Variants in PARD3B observed in about 807,000 individuals in gnomAD.
PARD3B encodes partitioning defective 3 homolog B.
Under a neutral mutation model 130.2 loss-of-function variants are expected in PARD3B, and 103 were observed. The observed-to-expected ratio is 0.79, with a 90% confidence interval of 0.67 to 0.93. PARD3B has a LOEUF of 0.93. PARD3B is among the 40% of genes least tolerant of loss of function. PARD3B has a pLI of 0.00. For missense variants in PARD3B, 1,609 were observed against 1,499.2 expected (o/e 1.07, Z -1.21); for synonymous variants, 583 against 553.2 (o/e 1.05, Z -0.76).
At chr2:205,073,487 C>A (rs922967095) in intron 4 of PARD3B, among the ~76,000 whole-genome samples, 4 of 152,028 alleles carry the variant, frequency 2.6e-5, no homozygotes, top group African/African-American at 7.2e-5. Context: ...GAAAAAAAGT[C>A]CAAATGTATA....
intron 15 of PARD3B, among the ~76,000 whole-genome samples, chr2:205,197,032 G>GGGGTGT (rs1553636919): frequency 1.3e-3 from 72 of 55,154 alleles, no homozygotes; most frequent in Admixed American, 1.7e-3. Flanking sequence ...GTGGGGGGGG[G>GGGGTGT]GTGTGTGTGT....
rs141415275 is a variant in PARD3B at position 205,059,316 on chromosome 2, C to T, written c.504+11626C>T. 2.4e-4 allele frequency among the ~76,000 whole-genome samples: 36 copies of T among 152,148 alleles called. No individual in the cohort carries two copies. The East Asian group carries it at 6.6e-3, about 28-fold the overall frequency. ...TCACAACCTATATGCTTAGCTTTAT[C>T]TCTAGTCACACTGCATGAAGGACCC... On this transcript the variant is annotated intron_variant, in intron 4 of 22. Coordinates refer to ENST00000406610, the MANE Select transcript of PARD3B (RefSeq NM_001302769.2).
intron 1 of PARD3B, among the ~76,000 whole-genome samples, chr2:204,561,823 C>T (rs1458783579): frequency 6.6e-6 from 1 of 152,030 alleles, no homozygotes; most frequent in Non-Finnish European, 1.5e-5. Context: ...TCTTGAACTC[C>T]TGACCTCAGG....
At chr2:204,896,512 T>C (rs1413543058) in intron 2 of PARD3B, among the ~76,000 whole-genome samples, 2 of 152,014 alleles carry the variant, frequency 1.3e-5, no homozygotes, top group Admixed American at 6.6e-5. Context: ...GAAATGGAGG[T>C]AACGTTTTGA....
intron 1 of PARD3B, among the ~76,000 whole-genome samples, chr2:204,572,381 G>A (rs558945856): frequency 6.6e-6 from 1 of 152,098 alleles, no homozygotes; most frequent in Non-Finnish European, 1.5e-5. Flanking sequence ...GCAGAAAAGT[G>A]GGGGAGGAAA....
At chr2:205,497,650 C>T (rs952684463) in intron 20 of PARD3B, among the ~76,000 whole-genome samples, 4 of 151,892 alleles carry the variant, frequency 2.6e-5, no homozygotes, top group African/African-American at 4.8e-5. Flanking sequence ...TCTCTTTGAT[C>T]CTCCTATATT....
chr2:205,436,416 A>G (rs2047518507), intron 19 of PARD3B, among the ~76,000 whole-genome samples: 1 of 151,952 alleles, frequency 6.6e-6, no homozygotes, highest in Non-Finnish European at 1.5e-5. Flanking sequence ...TTTTTCTTTT[A>G]TTTGTGTTAG....
intron 20 of PARD3B, among the ~76,000 whole-genome samples, chr2:205,444,738 G>A (rs2047845585): frequency 1.3e-5 from 2 of 152,180 alleles, no homozygotes; most frequent in South Asian, 4.1e-4. Context: ...CTTGAAATAA[G>A]AGAGTGGCAT....
rs200930899 is a variant in PARD3B at position 204,943,177 on chromosome 2, CAT to C, written c.223-21964_223-21963del. ...GTATGTGTGTGTGTGTATGTGTATG[CAT>C]ATATATATATGTGTGTGTATATATA... On this transcript the variant is annotated intron_variant, in intron 2 of 22. Transcript: ENST00000406610. This position sits in a 1 kb window ranked among gnomAD's most constrained non-coding sequence, Gnocchi z 4.2. Among the ~76,000 whole-genome samples, 34 of 151,280 alleles carry C rather than the reference CAT, an allele frequency of 2.2e-4. No homozygotes were observed. The highest frequency in any genetic ancestry group is 4.6e-4 in the Admixed American group (7 of 15,150).
intron 3 of PARD3B, among the ~76,000 whole-genome samples, chr2:205,018,721 G>GAAAAAAAA (rs1296390206): frequency 3.1e-4 from 1 of 3,234 alleles, no homozygotes; most frequent in Non-Finnish European, 5.3e-4. Flanking sequence ...AGCAGTATAA[G>GAAAAAAAA]CAAAAAAAAA....
intron 2 of PARD3B, among the ~76,000 whole-genome samples, chr2:204,755,108 A>G (rs915442774): frequency 2.0e-5 from 3 of 152,138 alleles, no homozygotes; most frequent in African/African-American, 4.8e-5. Context: ...CATGGCAAAA[A>G]TAGAATTAAA....
intron 22 of PARD3B, among the ~76,000 whole-genome samples, chr2:205,602,422 A>G (rs2054823535): frequency 6.6e-6 from 1 of 152,214 alleles, no homozygotes; most frequent in East Asian, 1.9e-4. Flanking sequence ...CCTTCTTTTC[A>G]ATTGTTTGAA....
Position 205,300,587 on chromosome 2 carries a change from A to G in PARD3B, c.2243A>G (p.Glu748Gly). Residue 748 changes from glutamate to glycine, a missense_variant, in exon 17 of 23, where the codon GAG becomes GGG. By Grantham distance (98) the Glu-to-Gly change is moderately conservative. Coordinates refer to ENST00000406610, the MANE Select transcript of PARD3B (RefSeq NM_001302769.2). The surrounding 1 kb of genome is among the most constrained non-coding windows in gnomAD (Gnocchi z 4.1). ...GGTTTGAAAAAGTCCAGCTCCTTGG[A>G]GAGTCTGCAGACTGCAGTGGCCGAG... ...TLGLKKSSSL[E>G]SLQTAVAEVR... is the part of the protein sequence containing the mutation. 1.9e-6 allele frequency: 3 copies of G among 1,613,942 alleles called. No homozygotes were observed. The highest frequency in any genetic ancestry group is 1.7e-6 in the Non-Finnish European group (2 of 1,180,012).
intron 21 of PARD3B, among the ~76,000 whole-genome samples, chr2:205,526,702 A>C (rs1224780414): frequency 6.6e-6 from 1 of 152,222 alleles, no homozygotes; most frequent in Non-Finnish European, 1.5e-5. Flanking sequence ...GACATGAAAA[A>C]AAATTAAATG....
chr2:205,341,087 A>T lies in PARD3B; in HGVS notation c.2630+39386A>T, dbSNP rs1055546137. Among the ~76,000 whole-genome samples, 3 of 152,058 alleles carry T rather than the reference A, an allele frequency of 2.0e-5. No homozygotes were observed. The highest frequency in any genetic ancestry group is 1.3e-4 in the Admixed American group (2 of 15,250). ...TTTGAATGGCTATGATCAAAAAAAT[A>T]AAAAATAAAAAAATAAAAAATGCTA... On this transcript the variant is annotated intron_variant, in intron 18 of 22. Coordinates refer to ENST00000406610, the MANE Select transcript of PARD3B (RefSeq NM_001302769.2). This position sits in a 1 kb window ranked among gnomAD's most constrained non-coding sequence, Gnocchi z 4.3.
At chr2:204,806,465 C>G (rs1004808030) in intron 2 of PARD3B, among the ~76,000 whole-genome samples, 15 of 152,126 alleles carry the variant, frequency 9.9e-5, no homozygotes, top group African/African-American at 3.6e-4. Flanking sequence ...ACCCCTCTCT[C>G]TTGCCATATA....
At chr2:205,028,349 A>G (rs547286849) in intron 3 of PARD3B, among the ~76,000 whole-genome samples, 1 of 152,270 alleles carries the variant, frequency 6.6e-6, no homozygotes, top group South Asian at 2.1e-4. Flanking sequence ...AAAATTCAAT[A>G]TTCTTTCATA....
At chr2:205,052,371 A>T (rs1340825788) in intron 4 of PARD3B, among the ~76,000 whole-genome samples, 1 of 148,216 alleles carries the variant, frequency 6.7e-6, no homozygotes, top group Non-Finnish European at 1.5e-5. Context: ...ACATCACCAA[A>T]ATACTTGACC....
chr2:205,217,903 TTTA>T lies in PARD3B; in HGVS notation c.2140+24586_2140+24588del, dbSNP rs1433320298. Among the ~76,000 whole-genome samples, 173 of 123,028 alleles carry T rather than the reference TTTA, an allele frequency of 1.4e-3. 10 individuals are homozygous for T. Among genetic ancestry groups the T allele is most frequent in the African/African-American group, 2.1e-3 (68 of 32,872 alleles). 80.7% of individuals were successfully genotyped at this position (123,028 alleles called of 152,430 possible). A position where few individuals can be genotyped will look rare whatever the true frequency, so the allele number is the denominator to read the frequency against. On this transcript the variant is annotated intron_variant, in intron 15 of 22. Transcript: ENST00000406610. The stretch of plus-strand genomic sequence containing the variant: ...ATATATATATATATATATTTTTTTT[TTTA>T]TTTTTTTGAGATGGTCTCTCGCTCT...
Sources: gnomAD v4.1 joint callset for allele counts (sites outside exome capture counted in the v4.1 genomes callset) on GRCh38, gnomAD v4.1.1 for gene constraint, Gnocchi (gnomAD v3.1) non-coding constraint, MANE v1.5 for transcripts, NCBI Gene and HGNC (gene_info 2026-07-23, HGNC 2026-07-21) for gene names.